PCBP3: variants seen among roughly 807,000 people sequenced by gnomAD.
PCBP3 encodes poly(rC)-binding protein 3.
In PCBP3, 25 loss-of-function variants were observed where a neutral mutation model predicts 52.7. The observed-to-expected ratio is 0.47, with a 90% CI of 0.35 to 0.66. PCBP3 has a LOEUF of 0.66. Ranked by LOEUF, PCBP3 falls within the 30% of genes least tolerant of loss-of-function variation. PCBP3 has a pLI of 0.01. For synonymous variants in PCBP3, 162 were observed against 183.0 expected, an observed-to-expected ratio of 0.89 and a Z score of 0.93; for missense variants, 391 against 490.3, an observed-to-expected ratio of 0.80 and a Z score of 1.91.
intron 9 of PCBP3, among the ~76,000 whole-genome samples, chr21:45,908,204 T>G (rs559201465): frequency 2.8e-4 from 43 of 152,276 alleles, no homozygotes; most frequent in African/African-American, 9.1e-4. Context: ...CCAGTTGCAG[T>G]GACTCCATTC....
At chr21:45,661,488 A>AT (rs1309003680) in intron 1 of PCBP3, among the ~76,000 whole-genome samples, 7 of 152,214 alleles carry the variant, frequency 4.6e-5, no homozygotes, top group African/African-American at 1.7e-4. Context: ...ACATGATTTC[A>AT]TTTTTTTATG....
At chr21:45,936,423 T>C (rs1209205528) in intron 16 of PCBP3, among the ~76,000 whole-genome samples, 2 of 152,212 alleles carry the variant, frequency 1.3e-5, no homozygotes, top group Non-Finnish European at 2.9e-5. Flanking sequence ...CTCAGGACAC[T>C]CACACTCCAG....
intron 5 of PCBP3, among the ~76,000 whole-genome samples, chr21:45,851,296 A>G (rs1387298206): frequency 1.3e-5 from 2 of 152,142 alleles, no homozygotes; most frequent in African/African-American, 2.4e-5. Flanking sequence ...GGGTAGATCA[A>G]GAGGTCAGGA....
At chr21:45,776,371 G>A (rs1043387064) in intron 4 of PCBP3, among the ~76,000 whole-genome samples, 1 of 152,024 alleles carries the variant, frequency 6.6e-6, no homozygotes, top group African/African-American at 2.4e-5. Context: ...TTTCTCTCTA[G>A]AGTGAAAATC....
chr21:45,874,442 G>A (rs771537767), intron 5 of PCBP3, among the ~76,000 whole-genome samples: 1 of 151,178 alleles, frequency 6.6e-6, no homozygotes, highest in Admixed American at 6.6e-5. Flanking sequence ...TCTTTTGTTG[G>A]GTCTATCCCA....
chr21:45,824,597 T>C lies in PCBP3; in HGVS notation c.-125-25364T>C, dbSNP rs544279447. 2.0e-5 allele frequency among the ~76,000 whole-genome samples: 3 copies of C among 152,340 alleles called. No homozygotes were observed. The East Asian group carries it at 5.8e-4, about 29-fold the overall frequency. ...CGCAACAGCGGTGAGCTCTCAGCCC[T>C]CCCTGCCCTGGTCTTGTCTCTAGGG... On this transcript the variant is annotated intron_variant, in intron 4 of 17. Transcript: ENST00000681687.
rs542027011 is a variant in PCBP3, at chr21:45,645,926, A to G, written c.-279+2058A>G. Reference sequence around the variant, plus strand: ...CATGTATTGGAATTGCCCCAACTTAAACATTAGAATAAATGCTGTAGATTT... The same window carrying G: ...CATGTATTGGAATTGCCCCAACTTAGACATTAGAATAAATGCTGTAGATTT... On this transcript the variant is annotated intron_variant, in intron 1 of 17. Coordinates refer to ENST00000681687, the MANE Select transcript of PCBP3 (RefSeq NM_001384156.1). 1.4e-4 allele frequency among the ~76,000 whole-genome samples: 21 copies of G among 152,286 alleles called. No individual in the cohort carries two copies. In the South Asian group the frequency reaches 2.1e-3, roughly 15 times the overall value.
At chr21:45,676,388 T>C (rs1041144391) in intron 2 of PCBP3, among the ~76,000 whole-genome samples, 10 of 152,146 alleles carry the variant, frequency 6.6e-5, no homozygotes, top group Non-Finnish European at 1.3e-4. Context: ...TAAACAAATT[T>C]AAGGTTTGTG....
chr21:45,747,196 A>G (rs2146221903), intron 3 of PCBP3, among the ~76,000 whole-genome samples: 1 of 152,332 alleles, frequency 6.6e-6, no homozygotes, highest in Non-Finnish European at 1.5e-5. Flanking sequence ...GTGCGAGGGA[A>G]CTGCCTTTTT....
intron 2 of PCBP3, among the ~76,000 whole-genome samples, chr21:45,726,560 CCT>C (rs2085061714): frequency 6.6e-6 from 1 of 152,152 alleles, no homozygotes; most frequent in Non-Finnish European, 1.5e-5. Flanking sequence ...CCTGCTTTCC[CCT>C]GTCAGTGGGT....
chr21:45,830,732 CT>C lies in PCBP3; in HGVS notation c.-125-19227del, dbSNP rs1159323508. 6.6e-6 allele frequency: 1 copy of C among 152,210 alleles called. No individual in the cohort carries two copies. Among genetic ancestry groups the C allele is most frequent in the Non-Finnish European group, 1.5e-5 (1 of 68,044 alleles). 9.4% of individuals were successfully genotyped at this position (152,210 alleles called of 1,614,324 possible). The stretch of plus-strand genomic sequence containing the variant: ...GCTCTTCTCTAATTAAATGCTCATC[CT>C]TACGTAAATCATAGCTTTAATAAAT... On this transcript the variant is annotated intron_variant, in intron 4 of 17. Coordinates refer to ENST00000681687, the MANE Select transcript of PCBP3 (RefSeq NM_001384156.1). The surrounding 1 kb of genome is among the most constrained non-coding windows in gnomAD (Gnocchi z 4.4).
intron 13 of PCBP3, chr21:45,919,596 C>G (rs1381563331): frequency 1.3e-5 from 2 of 152,196 alleles, no homozygotes; most frequent in Non-Finnish European, 2.9e-5. Context: ...TCAAGAAAAG[C>G]CTTTCCCCAC....
chr21:45,783,557 G>A (rs574601011), intron 4 of PCBP3, among the ~76,000 whole-genome samples: 6 of 152,172 alleles, frequency 3.9e-5, no homozygotes, highest in Non-Finnish European at 5.9e-5. Context: ...AGAGAGTGGC[G>A]GTGGCCTCCC....
chr21:45,796,752 TG>T (rs557656292), intron 4 of PCBP3, among the ~76,000 whole-genome samples: 4 of 152,222 alleles, frequency 2.6e-5, no homozygotes, highest in South Asian at 4.1e-4. Flanking sequence ...CATGTTTTTA[TG>T]GTGTGTTTAT....
chr21:45,884,087 C>T (rs2095463674), intron 5 of PCBP3, among the ~76,000 whole-genome samples: 1 of 152,112 alleles, frequency 6.6e-6, no homozygotes, highest in Admixed American at 6.5e-5. Flanking sequence ...GCATGCACCA[C>T]CATGCCCAGC....
chr21:45,811,940 T>G (rs1278658844), intron 4 of PCBP3, among the ~76,000 whole-genome samples: 1 of 152,278 alleles, frequency 6.6e-6, no homozygotes, highest in Non-Finnish European at 1.5e-5. Context: ...CTTTTCCTTT[T>G]CCTGCCTTAA....
chr21:45,846,910 A>G (rs1436708188), intron 4 of PCBP3, among the ~76,000 whole-genome samples: 1 of 152,216 alleles, frequency 6.6e-6, no homozygotes, highest in Non-Finnish European at 1.5e-5. Context: ...TCTCTTGTGT[A>G]AAGCAGAGCT....
chr21:45,652,891 G>A (rs565932338), intron 1 of PCBP3, among the ~76,000 whole-genome samples: 2 of 151,918 alleles, frequency 1.3e-5, no homozygotes, highest in South Asian at 2.1e-4. Flanking sequence ...TTTCTAATAT[G>A]TGTGTTTAAA....
At chr21:45,725,098 G>A (rs1227920263) in intron 2 of PCBP3, among the ~76,000 whole-genome samples, 16 of 151,930 alleles carry the variant, frequency 1.1e-4, no homozygotes, top group Admixed American at 7.2e-4. Context: ...AAATTCTGTC[G>A]TGGCTGTGTG....
Sources: gnomAD v4.1 joint callset for allele counts (sites outside exome capture counted in the v4.1 genomes callset) on GRCh38, gnomAD v4.1.1 for gene constraint, Gnocchi (gnomAD v3.1) non-coding constraint, MANE v1.5 for transcripts, NCBI Gene and HGNC (gene_info 2026-07-23, HGNC 2026-07-21) for gene names.